Variants in PLEKHA7 observed in about 807,000 individuals in gnomAD.
The protein encoded by PLEKHA7 is pleckstrin homology domain-containing family A member 7.
In PLEKHA7, 104 loss-of-function variants were observed where a neutral mutation model predicts 170.0. The ratio of observed to expected loss-of-function variants is 0.61; its 90% CI spans 0.52 to 0.72. PLEKHA7 has a LOEUF of 0.72. PLEKHA7 is among the 30% of genes least tolerant of loss of function. The pLI, the probability that PLEKHA7 is intolerant of heterozygous loss-of-function variation, is 0.00. For synonymous variants in PLEKHA7, 648 were observed against 660.8 expected, an observed-to-expected ratio of 0.98 and a Z score of 0.30; for missense variants, 1,615 against 1,671.7, an observed-to-expected ratio of 0.97 and a Z score of 0.59.
intron 9 of PLEKHA7, among the ~76,000 whole-genome samples, chr11:16,829,525 G>A (rs116390525): frequency 1.4e-3 from 219 of 152,230 alleles, no homozygotes; most frequent in African/African-American, 5.0e-3. Flanking sequence ...TAATTCAGCC[G>A]GGTGCAGTGG....
At chr11:16,853,912 C>G (rs543096071) in intron 6 of PLEKHA7, among the ~76,000 whole-genome samples, 19 of 152,328 alleles carry the variant, frequency 1.2e-4, no homozygotes, top group Non-Finnish European at 2.6e-4. Context: ...ATGCCCTCCT[C>G]TGTCTTCCCA....
At chr11:16,969,283 C>A (rs900720159) in intron 3 of PLEKHA7, among the ~76,000 whole-genome samples, 1 of 152,168 alleles carries the variant, frequency 6.6e-6, no homozygotes, top group African/African-American at 2.4e-5. Flanking sequence ...CAAGCTGATT[C>A]TCTGGACCTA....
At chr11:16,801,100 G>T (rs1394408735) in intron 16 of PLEKHA7, 25 bp from the exon 17 acceptor site, 4 of 1,598,386 alleles carry the variant, frequency 2.5e-6, no homozygotes, top group South Asian at 1.1e-5. Context: ...AATGCTTCCG[G>T]TTCTTAGTTA....
chr11:16,857,256 T>C (rs968288917), intron 4 of PLEKHA7, among the ~76,000 whole-genome samples: 2 of 152,194 alleles, frequency 1.3e-5, no homozygotes, highest in Admixed American at 6.5e-5. Context: ...AGGACCACTG[T>C]AGTAGGCACC....
chr11:16,846,563 G>A (rs1852425489), intron 8 of PLEKHA7, among the ~76,000 whole-genome samples: 1 of 152,128 alleles, frequency 6.6e-6, no homozygotes, highest in African/African-American at 2.4e-5. Flanking sequence ...GGCCATGTGA[G>A]GATGAAATGA....
chr11:16,984,808 A>C (rs1303034099), intron 3 of PLEKHA7, among the ~76,000 whole-genome samples: 1 of 152,216 alleles, frequency 6.6e-6, no homozygotes, highest in Non-Finnish European at 1.5e-5. Context: ...GGCTCCAAGT[A>C]GGCACTCAAT....
At chr11:16,919,339 G>A (rs1239761402) in intron 3 of PLEKHA7, among the ~76,000 whole-genome samples, 3 of 152,136 alleles carry the variant, frequency 2.0e-5, no homozygotes, top group Non-Finnish European at 4.4e-5. Flanking sequence ...TATTCTGTAT[G>A]CCCAGGTCAC....
chr11:16,830,826 G>A (rs1851045549), intron 9 of PLEKHA7, among the ~76,000 whole-genome samples: 1 of 152,192 alleles, frequency 6.6e-6, no homozygotes, highest in South Asian at 2.1e-4. Flanking sequence ...TAACCACATT[G>A]AATACTGTTC....
rs1849394720 is a variant in PLEKHA7, at chr11:16,786,374, T to C, written c.3371A>G (p.Gln1124Arg). 1 of 1,536,054 alleles carries C rather than the reference T, an allele frequency of 6.5e-7. No homozygotes were observed. Among genetic ancestry groups the C allele is most frequent in the African/African-American group, 1.4e-5 (1 of 73,048 alleles). The change falls in exon 24 of 27, where the codon CAG becomes CGG. Residue 1124 changes from glutamine to arginine, a missense_variant. Gln to Arg is a conservative substitution (Grantham distance 43). Transcript: ENST00000531066. ...TTCCAGCAACTGCAGGTCAAAGTCC[T>C]GCTCACGCTTCCACTGGCAACAGAA... Reference protein sequence around the residue: ...PGDLGSWKREQDFDLQLLERV... With the variant: ...PGDLGSWKRERDFDLQLLERV...
At chr11:16,926,623 T>C (rs1590637823) in intron 3 of PLEKHA7, among the ~76,000 whole-genome samples, 1 of 152,198 alleles carries the variant, frequency 6.6e-6, no homozygotes, top group East Asian at 1.9e-4. Flanking sequence ...AAAGGATCCC[T>C]GACGAAGTGA....
intron 4 of PLEKHA7, among the ~76,000 whole-genome samples, chr11:16,856,498 G>T (rs1853464517): frequency 6.6e-6 from 1 of 152,138 alleles, no homozygotes; most frequent in Non-Finnish European, 1.5e-5. Context: ...AGCTATCAGA[G>T]ATATTAACCC....
chr11:16,874,409 A>T (rs2135714357), intron 3 of PLEKHA7, among the ~76,000 whole-genome samples: 1 of 152,228 alleles, frequency 6.6e-6, no homozygotes, highest in South Asian at 2.1e-4. Flanking sequence ...TGGGAGGCTG[A>T]GTTGGGAGGA....
Position 16,783,821 on chromosome 11 carries a change from C to A in PLEKHA7, c.3529G>T (p.Glu1177Ter). The change falls in exon 25 of 27, where the codon GAG (glutamate) becomes TAG (stop). Residue 1177 changes from glutamate (E) to a stop codon, truncating the protein, a stop_gained. Coordinates refer to ENST00000531066, the MANE Select transcript of PLEKHA7 (RefSeq NM_001329630.2). LOFTEE classifies it high-confidence loss of function. ...TAGCGCTCAGGGATTGACACCTTCT[C>A]TGGTTTGGACAGCTGGGGAGAGGCC... ...LDISRELSKPEKVSIPERYVE... is the reference protein window; with the variant it reads ...LDISRELSKP 6.7e-7 allele frequency: 1 copy of A among 1,495,160 alleles called. No homozygotes were observed. Among genetic ancestry groups the A allele is most frequent in the South Asian group, 1.3e-5 (1 of 77,836 alleles). The allele number at this position is 1,495,160 out of a possible 1,614,324, so 92.6% of individuals were successfully genotyped here.
rs1414141335 is a variant in PLEKHA7, at chr11:16,791,617, T to C, written c.2746-418A>G. 8 of 462,850 alleles carry C rather than the reference T, an allele frequency of 1.7e-5. No individual in the cohort carries two copies. The highest frequency in any genetic ancestry group is 3.2e-4 in the Middle Eastern group (1 of 3,100). 28.7% of individuals were successfully genotyped at this position (462,850 alleles called of 1,614,324 possible). On this transcript the variant is annotated intron_variant, in intron 19 of 26. Transcript: ENST00000531066. The surrounding 1 kb of genome is among the most constrained non-coding windows in gnomAD (Gnocchi z 4.5). The stretch of plus-strand genomic sequence containing the variant: ...AGAGTAACATCTACCCACTCAGCAG[T>C]GCTCAGCCTGAGCCGGCTCATTGGC...
chr11:16,934,059 T>C (rs1466076855), intron 3 of PLEKHA7, among the ~76,000 whole-genome samples: 1 of 152,176 alleles, frequency 6.6e-6, no homozygotes, highest in Admixed American at 6.5e-5. Context: ...CCTCTGGTCC[T>C]GGAGGAGAGG....
At chr11:16,987,349 G>A (rs955418885) in intron 3 of PLEKHA7, among the ~76,000 whole-genome samples, 2 of 150,470 alleles carry the variant, frequency 1.3e-5, no homozygotes, top group African/African-American at 4.9e-5. Flanking sequence ...CTTTGACCTC[G>A]GAAAGGAGAC....
rs560623402 is a variant in PLEKHA7 at position 16,800,980 on chromosome 11, A to G, written c.2403T>C (p.Phe801=). ...TLQEQHRRAF[F]FQEKSQIQKD... ...TGGACAGGTATCAGGTCACCTGGAA[A>G]AAAAAGGCTCTTCTGTGTTGCTCCT... Residue 801 remains phenylalanine (F), a synonymous_variant, in exon 17 of 27, where the codon TTT becomes TTC. Transcript: ENST00000531066. 5.6e-6 allele frequency: 9 copies of G among 1,614,058 alleles called. No individual in the cohort carries two copies. The African/African-American group carries it at 1.2e-4, about 22-fold the overall frequency.
Position 17,014,339 on chromosome 11 carries a change from C to A in PLEKHA7, c.63G>T (p.Arg21=). 1 of 1,450,528 alleles carries A rather than the reference C, an allele frequency of 6.9e-7. No homozygotes were observed. Among genetic ancestry groups the A allele is most frequent in the South Asian group, 1.4e-5 (1 of 71,462 alleles). The allele number at this position is 1,450,528 out of a possible 1,614,324, so 89.9% of individuals were successfully genotyped here. A position where few individuals can be genotyped will look rare whatever the true frequency, so the allele number is the denominator to read the frequency against. ...LPEHWSYGVC[R]DGRVFFINDQ... is the part of the protein sequence containing the mutation. ...ACTTGATGAAGAAGACGCGGCCATC[C>A]CGGCACACCCCGTAGGACCAATGCT... The change falls in exon 1 of 27, where the codon CGG becomes CGT. Residue 21 remains arginine, a synonymous_variant. Coordinates refer to ENST00000531066, the MANE Select transcript of PLEKHA7 (RefSeq NM_001329630.2).
intron 3 of PLEKHA7, among the ~76,000 whole-genome samples, chr11:16,908,494 T>G (rs1858017777): frequency 7.3e-6 from 1 of 136,262 alleles, no homozygotes; most frequent in South Asian, 2.5e-4. Context: ...GAAAATAATT[T>G]TTTTTTCTTT....
Sources: allele counts gnomAD v4.1 joint callset (sites outside exome capture counted in the v4.1 genomes callset), GRCh38; gene constraint gnomAD v4.1.1; non-coding constraint Gnocchi (gnomAD v3.1); transcripts MANE v1.5; gene names NCBI Gene and HGNC (gene_info 2026-07-23, HGNC 2026-07-21).